TRAPPC9: variants seen among roughly 807,000 people sequenced by gnomAD.
TRAPPC9 encodes the protein IKK2 binding protein.
Under a neutral mutation model 124.0 loss-of-function variants are expected in TRAPPC9, and 83 were observed. The ratio of observed to expected loss-of-function variants is 0.67; its 90% CI spans 0.56 to 0.80. The LOEUF (loss-of-function observed/expected upper bound fraction) is 0.80. Ranked by LOEUF, TRAPPC9 falls within the 30% of genes least tolerant of loss-of-function variation. The pLI, the probability that TRAPPC9 is intolerant of heterozygous loss-of-function variation, is 0.00. For missense variants in TRAPPC9, 1,302 were observed against 1,508.3 expected (o/e 0.86, Z 2.27); for synonymous variants, 638 against 617.5 (o/e 1.03, Z -0.49).
At chr8:140,193,610 T>C (rs3935989) in intron 17 of TRAPPC9, among the ~76,000 whole-genome samples, 46,015 of 143,388 alleles carry the variant, frequency 0.32, 8,834 homozygotes, top group Non-Finnish European at 0.43. Context: ...AGAAGGGATC[T>C]TTGTACTTTC....
rs753776094 is a variant in TRAPPC9, at chr8:140,087,293, G to A, written c.2557-63214C>T. ...CACCCTGCAGATGTCGGGGTGCCTC[G>A]AAAGCACAGCACTCTATCTCTGCAA... On this transcript the variant is annotated intron_variant, in intron 17 of 22. Coordinates refer to ENST00000438773, the MANE Select transcript of TRAPPC9 (RefSeq NM_001160372.4). The surrounding 1 kb of genome is among the most constrained non-coding windows in gnomAD (Gnocchi z 4.6). Among the ~76,000 whole-genome samples, 2 of 151,922 alleles carry A rather than the reference G, an allele frequency of 1.3e-5. No homozygotes were observed. Among genetic ancestry groups the A allele is most frequent in the South Asian group, 2.1e-4 (1 of 4,810 alleles).
chr8:140,016,324 C>T (rs758915845), intron 18 of TRAPPC9, among the ~76,000 whole-genome samples: 2 of 152,164 alleles, frequency 1.3e-5, no homozygotes, highest in African/African-American at 2.4e-5. Flanking sequence ...CCCTTTAGGG[C>T]GACCAACTGT....
intron 21 of TRAPPC9, among the ~76,000 whole-genome samples, chr8:139,863,213 A>G (rs1828286095): frequency 6.6e-6 from 1 of 152,360 alleles, no homozygotes; most frequent in South Asian, 2.1e-4. Context: ...GGGTCCTAGC[A>G]TGGTGCCTGA....
intron 19 of TRAPPC9, among the ~76,000 whole-genome samples, chr8:139,978,036 T>C (rs984093750): frequency 6.6e-6 from 1 of 151,124 alleles, no homozygotes; most frequent in Admixed American, 6.6e-5. Context: ...GAAAAACAAG[T>C]TTTGTTTTGT....
intron 17 of TRAPPC9, among the ~76,000 whole-genome samples, chr8:140,192,385 C>T (rs1448291104): frequency 6.6e-6 from 1 of 152,234 alleles, no homozygotes; most frequent in Non-Finnish European, 1.5e-5. Context: ...GGCAAAAGGA[C>T]TCTGTTAGAA....
intron 17 of TRAPPC9, among the ~76,000 whole-genome samples, chr8:140,107,608 G>A (rs1187649734): frequency 3.3e-5 from 5 of 152,226 alleles, no homozygotes; most frequent in African/African-American, 1.2e-4. Context: ...ACCTGAGAAT[G>A]GAGGAGGAGA....
At chr8:139,865,766 G>C (rs1034689833) in intron 21 of TRAPPC9, among the ~76,000 whole-genome samples, 1 of 152,182 alleles carries the variant, frequency 6.6e-6, no homozygotes, top group Admixed American at 6.5e-5. Flanking sequence ...GAGCTGCCCC[G>C]TGTGTGAGCC....
At chr8:140,336,231 G>T (rs1384763439) in intron 9 of TRAPPC9, among the ~76,000 whole-genome samples, 1 of 152,094 alleles carries the variant, frequency 6.6e-6, no homozygotes, top group Non-Finnish European at 1.5e-5. Flanking sequence ...TACAGTAAAA[G>T]CCCCTTGTTT....
At chr8:140,071,098 A>T (rs4736017) in intron 17 of TRAPPC9, among the ~76,000 whole-genome samples, 54,559 of 152,180 alleles carry the variant, frequency 0.36, 11,136 homozygotes, top group Middle Eastern at 0.53. Context: ...TTTTTTCTCC[A>T]ATTTCCAGAT....
chr8:139,938,589 A>G (rs991866505), intron 19 of TRAPPC9, among the ~76,000 whole-genome samples: 9 of 147,722 alleles, frequency 6.1e-5, no homozygotes, highest in African/African-American at 2.0e-4. Flanking sequence ...CCAGCTAGAA[A>G]CAGTCTATGT....
chr8:140,284,351 A>T (rs977216641), intron 13 of TRAPPC9, among the ~76,000 whole-genome samples: 1 of 152,220 alleles, frequency 6.6e-6, no homozygotes, highest in African/African-American at 2.4e-5. Context: ...TGCTTTTCAG[A>T]TTTATCCATC....
At chr8:139,764,627 G>T (rs776409196) in intron 21 of TRAPPC9, among the ~76,000 whole-genome samples, 2 of 152,170 alleles carry the variant, frequency 1.3e-5, no homozygotes, top group Non-Finnish European at 2.9e-5. Context: ...ACTTTTCAGA[G>T]CATGCCTGTG....
intron 9 of TRAPPC9, among the ~76,000 whole-genome samples, chr8:140,357,250 G>A (rs567381419): frequency 6.6e-6 from 1 of 152,272 alleles, no homozygotes; most frequent in East Asian, 1.9e-4. Flanking sequence ...GAAGGGGCAG[G>A]GTGTGGGGAC....
chr8:139,975,927 CTTTTT>C (rs528679775), intron 19 of TRAPPC9, among the ~76,000 whole-genome samples: 1 of 95,570 alleles, frequency 1.0e-5, no homozygotes, highest in Non-Finnish European at 2.0e-5. Flanking sequence ...AAAGGACAGT[CTTTTT>C]TTTTTTTTTT....
chr8:140,392,128 G>A (rs960274816), intron 7 of TRAPPC9, among the ~76,000 whole-genome samples: 6 of 152,156 alleles, frequency 3.9e-5, no homozygotes, highest in Admixed American at 1.3e-4. Flanking sequence ...GAACCCAAAT[G>A]GTTTAAATAC....
intron 18 of TRAPPC9, among the ~76,000 whole-genome samples, chr8:140,007,474 G>A (rs1275394278): frequency 6.6e-6 from 1 of 152,178 alleles, no homozygotes; most frequent in South Asian, 2.1e-4. Context: ...AAAAGTACTT[G>A]CAAATAACAA....
At chr8:140,287,285 T>C (rs142688849) in intron 13 of TRAPPC9, among the ~76,000 whole-genome samples, 45 of 151,706 alleles carry the variant, frequency 3.0e-4, no homozygotes, top group African/African-American at 9.9e-4. Context: ...AGATTCAGCG[T>C]GTGTAGACAC....
chr8:140,457,585 T>TC (rs1240076197), intron 1 of TRAPPC9, 54 bp downstream of exon 1: 16 of 984,620 alleles, frequency 1.6e-5, no homozygotes, highest in Non-Finnish European at 1.8e-5. Context: ...CGCGCAGCCC[T>TC]CCCCGCAGCC....
chr8:139,762,815 C>A (rs565532355), intron 21 of TRAPPC9, among the ~76,000 whole-genome samples: 75 of 152,306 alleles, frequency 4.9e-4, no homozygotes, highest in Admixed American at 2.9e-3. Context: ...AGCTGCGGGA[C>A]CTTCAGCCTC....
Sources: gnomAD v4.1 joint callset for allele counts (sites outside exome capture counted in the v4.1 genomes callset) on GRCh38, gnomAD v4.1.1 for gene constraint, Gnocchi (gnomAD v3.1) non-coding constraint, MANE v1.5 for transcripts, NCBI Gene and HGNC (gene_info 2026-07-23, HGNC 2026-07-21) for gene names.